NRG3: variants seen among roughly 807,000 people sequenced by gnomAD.
The protein encoded by NRG3 is neuregulin 3.
NRG3 carries 31 observed loss-of-function variants against 66.9 expected under a neutral mutation model. The observed-to-expected ratio is 0.46, with a 90% CI of 0.35 to 0.63. The LOEUF (loss-of-function observed/expected upper bound fraction) is 0.63. NRG3 is among the 20% of genes least tolerant of loss of function. The pLI, the probability that NRG3 is intolerant of heterozygous loss-of-function variation, is 0.00. For synonymous variants in NRG3, 393 were observed against 359.4 expected, an observed-to-expected ratio of 1.09 and a Z score of -1.06; for missense variants, 910 against 878.9, an observed-to-expected ratio of 1.04 and a Z score of -0.45.
At chr10:82,870,058 C>T (rs187019113) in intron 4 of NRG3, among the ~76,000 whole-genome samples, 69 of 136,412 alleles carry the variant, frequency 5.1e-4, no homozygotes, top group Non-Finnish European at 7.7e-4. Context: ...TTAGTAGAGA[C>T]GGGGTTTCAC....
intron 2 of NRG3, among the ~76,000 whole-genome samples, chr10:82,442,132 A>G (rs2090463578): frequency 6.6e-6 from 1 of 152,166 alleles, no homozygotes; most frequent in Non-Finnish European, 1.5e-5. Flanking sequence ...GCATTAATTA[A>G]TGATTGATGC....
chr10:82,662,570 C>T lies in NRG3; in HGVS notation c.954-76007C>T, dbSNP rs1045726797. Among the ~76,000 whole-genome samples the T allele has an allele frequency of 4.6e-5, 7 of 152,172 alleles. 1 individual carries two copies. The highest frequency in any genetic ancestry group is 3.9e-4 in the Admixed American group (6 of 15,278). ...CAGTCAATCATAGTTCAAATAGCCA[C>T]ATGGACAATTCAGAAGAGCCAGGCT... On this transcript the variant is annotated intron_variant, in intron 2 of 8. Coordinates refer to ENST00000372141, the MANE Select transcript of NRG3 (RefSeq NM_001010848.4).
chr10:82,785,141 G>A (rs2060294773), intron 3 of NRG3, among the ~76,000 whole-genome samples: 1 of 151,636 alleles, frequency 6.6e-6, no homozygotes. Flanking sequence ...ACTCATAGAT[G>A]GGAATTGAAC....
chr10:82,722,686 A>G (rs542400239), intron 2 of NRG3, among the ~76,000 whole-genome samples: 4 of 152,282 alleles, frequency 2.6e-5, no homozygotes, highest in Admixed American at 2.0e-4. Flanking sequence ...TTTCACATAT[A>G]TAAATAGCAC....
At chr10:82,660,215 A>AAAAAAAAAAAAAAAAAAAAAAAAAT (rs2052232463) in intron 2 of NRG3, among the ~76,000 whole-genome samples, 1 of 142,400 alleles carries the variant, frequency 7.0e-6, no homozygotes, top group Non-Finnish European at 1.6e-5. Context: ...AAAAAAAAAA[A>AAAAAAAAAAAAAAAAAAAAAAAAAT]AAAAAAAAAA....
At position 82,738,641 on chromosome 10, in the gene NRG3, T is replaced by C. The variant is rs554298456; in HGVS notation, c.1018T>C (p.Ser340Pro). Residue 340 changes from serine (S) to proline (P), a missense_variant, in exon 3 of 9, where the codon TCG becomes CCG. By Grantham distance (74) the Ser-to-Pro change is moderately conservative. Coordinates refer to ENST00000372141, the MANE Select transcript of NRG3 (RefSeq NM_001010848.4). Reference protein sequence around the residue: ...QFLPKTDSILSDPTDHLGIEF... With the variant: ...QFLPKTDSILPDPTDHLGIEF... ...TCTGCCGAAAACTGATTCCATCTTA[T>C]CGGATCCAAGTAGGTCAAGCATTTT... is the stretch of plus-strand genomic sequence containing the variant. 3.1e-6 allele frequency: 5 copies of C among 1,614,084 alleles called. No homozygotes were observed. Among genetic ancestry groups the C allele is most frequent in the East Asian group, 4.5e-5 (2 of 44,878 alleles).
At chr10:82,043,280 C>G (rs2063126360) in intron 1 of NRG3, among the ~76,000 whole-genome samples, 1 of 152,048 alleles carries the variant, frequency 6.6e-6, no homozygotes, top group South Asian at 2.1e-4. Flanking sequence ...AACAAATAAG[C>G]AAGTTCAAGC....
intron 6 of NRG3, among the ~76,000 whole-genome samples, chr10:82,963,863 C>A (rs1850930098): frequency 6.6e-6 from 1 of 152,128 alleles, no homozygotes; most frequent in Non-Finnish European, 1.5e-5. Flanking sequence ...CACACTCTGT[C>A]TCTCTGGGCC....
intron 1 of NRG3, among the ~76,000 whole-genome samples, chr10:82,338,413 C>CA (rs1361680100): frequency 2.0e-5 from 3 of 152,162 alleles, no homozygotes; most frequent in African/African-American, 7.2e-5. Context: ...ACCTAGACAC[C>CA]ACTCTCCCCT....
At chr10:82,667,879 C>G (rs2052928224) in intron 2 of NRG3, among the ~76,000 whole-genome samples, 1 of 152,088 alleles carries the variant, frequency 6.6e-6, no homozygotes, top group South Asian at 2.1e-4. Context: ...ATGCATACAC[C>G]CACAGGCATG....
At chr10:82,950,619 T>G (rs1045729525) in intron 4 of NRG3, among the ~76,000 whole-genome samples, 1 of 152,072 alleles carries the variant, frequency 6.6e-6, no homozygotes, top group Non-Finnish European at 1.5e-5. Context: ...GTAAATAGAG[T>G]ATTTGCAAGA....
At chr10:82,700,353 C>G (rs1390035027) in intron 2 of NRG3, among the ~76,000 whole-genome samples, 1 of 152,058 alleles carries the variant, frequency 6.6e-6, no homozygotes, top group Non-Finnish European at 1.5e-5. Context: ...TGAAATATTG[C>G]CAAGATTATT....
At chr10:82,411,608 AT>A (rs1252418094) in intron 2 of NRG3, among the ~76,000 whole-genome samples, 1 of 152,160 alleles carries the variant, frequency 6.6e-6, no homozygotes, top group Non-Finnish European at 1.5e-5. Context: ...CTGAACACTC[AT>A]CAGAAAACTA....
intron 1 of NRG3, among the ~76,000 whole-genome samples, chr10:82,063,496 A>G (rs993054475): frequency 7.9e-6 from 1 of 127,334 alleles, no homozygotes; most frequent in African/African-American, 3.0e-5. Context: ...TATATTTTTT[A>G]GAGGCAGGAA....
At position 82,846,584 on chromosome 10, in the gene NRG3, T is replaced by C. The variant is rs140946243; in HGVS notation, c.1028-18827T>C. ...TGCCAAAAATTCAAAGGTAGAAGAT[T>C]CTCTGCTTGAAAAAGCAGAACAATC... On this transcript the variant is annotated intron_variant, in intron 3 of 8. Transcript: ENST00000372141. 2.1e-3 allele frequency among the ~76,000 whole-genome samples: 327 copies of C among 152,276 alleles called. 3 individuals carry two copies. The highest frequency in any genetic ancestry group is 7.6e-3 in the African/African-American group (314 of 41,556).
chr10:82,142,223 A>T (rs1478847752), intron 1 of NRG3, among the ~76,000 whole-genome samples: 2 of 152,214 alleles, frequency 1.3e-5, no homozygotes, highest in African/African-American at 4.8e-5. Context: ...GCAGTTGCAA[A>T]TGCTGATGAC....
At position 82,041,810 on chromosome 10, in the gene NRG3, A is replaced by ATC. The variant is rs71007288; in HGVS notation, c.823+165665_823+165666dup. ...CATATGAAAGAAGAATGGTCTACTG[A>ATC]TCTCTCTCTCTCTCTCTCTGTCTAT... On this transcript the variant is annotated intron_variant, in intron 1 of 8. Coordinates refer to ENST00000372141, the MANE Select transcript of NRG3 (RefSeq NM_001010848.4). 7.3e-3 allele frequency among the ~76,000 whole-genome samples: 684 copies of ATC among 94,014 alleles called. 9 individuals carry two copies. Among genetic ancestry groups the ATC allele is most frequent in the African/African-American group, 0.018 (638 of 34,512 alleles). The allele number at this position is 94,014 out of a possible 152,430, so 61.7% of individuals were successfully genotyped here. A position where few individuals can be genotyped will look rare whatever the true frequency, so the allele number is the denominator to read the frequency against.
At chr10:82,902,917 G>A (rs1243682169) in intron 4 of NRG3, among the ~76,000 whole-genome samples, 2 of 152,012 alleles carry the variant, frequency 1.3e-5, no homozygotes, top group South Asian at 4.2e-4. Context: ...GGAGATCTAT[G>A]AGTCTTTAAA....
intron 1 of NRG3, among the ~76,000 whole-genome samples, chr10:81,891,913 G>T (rs969311505): frequency 1.4e-4 from 22 of 152,032 alleles, no homozygotes; most frequent in Admixed American, 1.3e-3. Context: ...TTGAATTATG[G>T]TTTCTCTGGC....
Sources: gnomAD v4.1 joint callset for allele counts (sites outside exome capture counted in the v4.1 genomes callset) on GRCh38, gnomAD v4.1.1 for gene constraint, MANE v1.5 for transcripts, NCBI Gene and HGNC (gene_info 2026-07-23, HGNC 2026-07-21) for gene names.